Variants in AGO3 observed in about 807,000 individuals in gnomAD.
AGO3 encodes protein argonaute-3.
In AGO3, 16 loss-of-function variants were observed where a neutral mutation model predicts 105.5. The ratio of observed to expected loss-of-function variants is 0.15; its 90% confidence interval spans 0.10 to 0.23. The LOEUF is 0.23. AGO3 is among the 10% of genes least tolerant of loss of function. AGO3 has a pLI of 1.00. For missense variants in AGO3, 534 were observed against 1,088.0 expected, an observed-to-expected ratio of 0.49 and a Z score of 7.16; for synonymous variants, 340 against 367.3, an observed-to-expected ratio of 0.93 and a Z score of 0.85.
intron 3 of AGO3, among the ~76,000 whole-genome samples, chr1:35,967,580 A>G (rs1646798281): frequency 6.6e-6 from 1 of 151,782 alleles, no homozygotes; most frequent in Admixed American, 6.6e-5. Context: ...ACTCTTGGCT[A>G]ATTTTTTTGT....
chr1:36,053,233 G>C (rs752208475), intron 17 of AGO3, among the ~76,000 whole-genome samples: 1 of 151,488 alleles, frequency 6.6e-6, no homozygotes, highest in African/African-American at 2.4e-5. Context: ...AGAAACCTTA[G>C]GGAACAGTTT....
rs1010389717 is a variant in AGO3, at chr1:35,971,887, C to CA, written c.313-128dup. The CA allele has an allele frequency of 3.3e-3, 2,456 of 754,562 alleles. 4 individuals carry two copies. Among genetic ancestry groups the CA allele is most frequent in the East Asian group, 0.01 (352 of 34,886 alleles). The allele number at this position is 754,562 out of a possible 1,614,324, so 46.7% of individuals were successfully genotyped here. A position where few individuals can be genotyped will look rare whatever the true frequency, so the allele number is the denominator to read the frequency against. On this transcript the variant is annotated intron_variant, in intron 3 of 18. Transcript: ENST00000373191. ...AACTATGTTATTTAAATTTTATCTA[C>CA]AAAAAAAAATGGTATATTTTAGTCT... is the stretch of plus-strand genomic sequence containing the variant.
intron 5 of AGO3, among the ~76,000 whole-genome samples, chr1:36,002,486 C>T (rs1156423472): frequency 1.1e-4 from 16 of 151,320 alleles, no homozygotes; most frequent in Non-Finnish European, 2.2e-4. Flanking sequence ...CATGCCACCA[C>T]GCCTGGCTAA....
chr1:35,966,809 C>A, intron 2 of AGO3, 146 bp from the exon 3 acceptor site: 1 of 947,298 alleles, frequency 1.1e-6, no homozygotes, highest in Non-Finnish European at 1.5e-6. Flanking sequence ...TGTCTTAAGC[C>A]AAGATTCTAA....
intron 5 of AGO3, among the ~76,000 whole-genome samples, chr1:35,996,439 T>C (rs1639814491): frequency 6.7e-6 from 1 of 149,706 alleles, no homozygotes; most frequent in Non-Finnish European, 1.5e-5. Context: ...CAGTAAGAAA[T>C]AGAAAAAAAG....
chr1:36,013,785 C>T (rs1433233556), intron 10 of AGO3, 33 bp downstream of exon 10: 4 of 1,608,536 alleles, frequency 2.5e-6, no homozygotes, highest in Admixed American at 1.7e-5. Context: ...TAATCATACA[C>T]ATATTGTCTG....
intron 5 of AGO3, among the ~76,000 whole-genome samples, chr1:35,988,276 A>G (rs1647301215): frequency 6.6e-6 from 1 of 152,214 alleles, no homozygotes; most frequent in African/African-American, 2.4e-5. Context: ...TGAATATAAC[A>G]ATCACCTCAT....
intron 11 of AGO3, among the ~76,000 whole-genome samples, chr1:36,021,125 G>A (rs1641196861): frequency 6.6e-6 from 1 of 151,800 alleles, no homozygotes. Context: ...GTTGAGATGG[G>A]GTTTCATCAT....
At chr1:36,040,587 T>A in intron 16 of AGO3, 146 bp downstream of exon 16, 2 of 689,192 alleles carry the variant, frequency 2.9e-6, no homozygotes, top group Non-Finnish European at 4.4e-6. Context: ...TATAGAAGCA[T>A]CAAAATAGAT....
chr1:35,969,820 C>T (rs989999843), intron 3 of AGO3, among the ~76,000 whole-genome samples: 3 of 151,978 alleles, frequency 2.0e-5, no homozygotes, highest in African/African-American at 7.2e-5. Flanking sequence ...GTTACTATAC[C>T]GAATACTGTA....
At position 36,039,801 on chromosome 1, in the gene AGO3, T is replaced by C. The variant is rs752390376; in HGVS notation, c.1854T>C (p.Ser618=). Residue 618 remains serine, a synonymous_variant, in exon 15 of 19, where the codon AGT becomes AGC. Transcript: ENST00000373191. Reference sequence around the variant, plus strand: ...TTTTTCTAACCTAGGTTGTAGGTAGTATGGATGCACACCCAAGCAGATACT... The same window carrying C: ...TTTTTCTAACCTAGGTTGTAGGTAGCATGGATGCACACCCAAGCAGATACT... ...KKPSIAAVVG[S]MDAHPSRYCA... 6.4e-7 allele frequency: 1 copy of C among 1,558,766 alleles called. No homozygotes were observed. The highest frequency in any genetic ancestry group is 8.7e-7 in the Non-Finnish European group (1 of 1,151,946).
Position 36,068,690 on chromosome 1 carries a change from A to C in AGO3, c.*12945A>C, listed in dbSNP as rs1643124778. The C allele has an allele frequency of 6.6e-6, 1 of 152,218 alleles. No homozygotes were observed. Among genetic ancestry groups the C allele is most frequent in the Non-Finnish European group, 1.5e-5 (1 of 68,038 alleles). The allele number at this position is 152,218 out of a possible 1,614,324, so 9.4% of individuals were successfully genotyped here. On this transcript the variant is annotated 3_prime_UTR_variant, in exon 19 of 19. Coordinates refer to ENST00000373191, the MANE Select transcript of AGO3 (RefSeq NM_024852.4). ...GCTTCTAAAATATGTAAAAAATTAT[A>C]TTGAATGAATTAATACTTAACCTGT...
intron 16 of AGO3, among the ~76,000 whole-genome samples, chr1:36,041,236 T>TA: frequency 8.8e-6 from 1 of 114,184 alleles, no homozygotes; most frequent in Non-Finnish European, 1.7e-5. Context: ...ATATGTTTTC[T>TA]TTTTTTTTTT....
chr1:35,972,410 T>G (rs1245977861), intron 4 of AGO3, among the ~76,000 whole-genome samples, 178 bp downstream of exon 4: 4 of 152,210 alleles, frequency 2.6e-5, no homozygotes, highest in Non-Finnish European at 5.9e-5. Context: ...ATTATCTGGC[T>G]TTTGCAAGTA....
intron 5 of AGO3, among the ~76,000 whole-genome samples, chr1:36,000,013 T>C (rs1337872843): frequency 1.3e-5 from 2 of 152,036 alleles, no homozygotes; most frequent in African/African-American, 4.8e-5. Context: ...CCTGGTACAA[T>C]AAGAGTATTT....
chr1:36,000,547 G>A (rs1197241039), intron 5 of AGO3, among the ~76,000 whole-genome samples: 1 of 152,180 alleles, frequency 6.6e-6, no homozygotes, highest in East Asian at 1.9e-4. Flanking sequence ...TGGTGTTATA[G>A]CAATCCAGTG....
At chr1:36,051,375 G>C (rs1411168364) in intron 17 of AGO3, among the ~76,000 whole-genome samples, 1 of 152,142 alleles carries the variant, frequency 6.6e-6, no homozygotes, top group Non-Finnish European at 1.5e-5. Flanking sequence ...CTGTGGGATA[G>C]AGCAAAAACA....
intron 8 of AGO3, 28 bp downstream of exon 8, chr1:36,009,072 C>A (rs749916630): frequency 2.0e-6 from 3 of 1,512,872 alleles, no homozygotes; most frequent in Non-Finnish European, 2.6e-6. Context: ...CTAATTAATA[C>A]CCTGTTGTTC....
intron 5 of AGO3, among the ~76,000 whole-genome samples, chr1:35,988,930 G>C (rs1371609614): frequency 6.6e-6 from 1 of 152,112 alleles, no homozygotes; most frequent in Non-Finnish European, 1.5e-5. Context: ...GAGAAATATT[G>C]CACTGACCAT....
Sources: gnomAD v4.1 joint callset for allele counts (sites outside exome capture counted in the v4.1 genomes callset) on GRCh38, gnomAD v4.1.1 for gene constraint, MANE v1.5 for transcripts, NCBI Gene and HGNC (gene_info 2026-07-23, HGNC 2026-07-21) for gene names.